DNAJC18: variants seen among roughly 807,000 people sequenced by gnomAD.
DNAJC18 encodes the protein dnaJ homolog subfamily C member 18.
DNAJC18 carries 40 observed loss-of-function variants against 48.6 expected under a neutral mutation model. The observed-to-expected ratio is 0.82, with a 90% CI of 0.64 to 1.07. The LOEUF (loss-of-function observed/expected upper bound fraction) is 1.07, where lower values mean the gene tolerates loss of function less well. Ranked by LOEUF, DNAJC18 falls within the 50% of genes least tolerant of loss-of-function variation. The pLI is 0.00. For synonymous variants in DNAJC18, 135 were observed against 152.2 expected (o/e 0.89, Z 0.83); for missense variants, 340 against 427.7 (o/e 0.79, Z 1.81).
Position 139,425,205 on chromosome 5 carries a change from C to G in DNAJC18, c.560-91G>C, listed in dbSNP as rs565945596. 138 of 1,108,928 alleles carry G rather than the reference C, an allele frequency of 1.2e-4. No individual in the cohort carries two copies. The African/African-American group carries it at 1.9e-3, about 15-fold the overall frequency. The allele number at this position is 1,108,928 out of a possible 1,614,324, so 68.7% of individuals were successfully genotyped here. The stretch of plus-strand genomic sequence containing the variant: ...TGGAGATGGAGTTTTGCTCTGTTAC[C>G]CAGACTGGAGTGCAATGGGGTGATC... On this transcript the variant is annotated intron_variant, in intron 4 of 7. Coordinates refer to ENST00000302060, the MANE Select transcript of DNAJC18 (RefSeq NM_152686.4).
intron 7 of DNAJC18, among the ~76,000 whole-genome samples, chr5:139,419,534 GC>G (rs760208915): frequency 1.3e-5 from 2 of 152,246 alleles, no homozygotes; most frequent in Non-Finnish European, 2.9e-5. Context: ...AAAAAGTTAG[GC>G]TGGCTCGATC....
chr5:139,438,114 A>G (rs929188063), intron 1 of DNAJC18, among the ~76,000 whole-genome samples: 1 of 152,094 alleles, frequency 6.6e-6, no homozygotes, highest in Non-Finnish European at 1.5e-5. Flanking sequence ...CAGGAGATCG[A>G]GACCATCCTG....
chr5:139,423,412 C>T (rs1168443498), intron 5 of DNAJC18, among the ~76,000 whole-genome samples: 1 of 144,464 alleles, frequency 6.9e-6, no homozygotes, highest in East Asian at 2.0e-4. Flanking sequence ...TTTTCTGAGA[C>T]ATGGTCTTGC....
In DNAJC18 at chr5:139,428,592, G is replaced by A. The variant is rs772442615; in HGVS notation, c.319C>T (p.Leu107=). The change falls in exon 3 of 8, where the codon CTG becomes TTG. Residue 107 remains leucine (L), a synonymous_variant. Transcript: ENST00000302060. ...ELKKAYRKLA[L]KFHPDKNCAP... ...CAGTTCTTGTCAGGGTGAAATTTCA[G>A]GGCGAGTTTTCTGTAAGCTTTCTTA... is the stretch of plus-strand genomic sequence containing the variant. 1.2e-6 allele frequency: 2 copies of A among 1,613,944 alleles called. No individual in the cohort carries two copies. Among genetic ancestry groups the A allele is most frequent in the Non-Finnish European group, 8.5e-7 (1 of 1,179,986 alleles).
Position 139,422,780 on chromosome 5 carries a change from A to G in DNAJC18, c.707T>C (p.Leu236Pro). 1 of 1,611,046 alleles carries G rather than the reference A, an allele frequency of 6.2e-7. No homozygotes were observed. The highest frequency in any genetic ancestry group is 8.5e-7 in the Non-Finnish European group (1 of 1,179,168). Residue 236 changes from leucine to proline, a missense_variant, in exon 6 of 8, where the codon CTT (leucine) becomes CCT (proline). Leu to Pro is a moderately conservative substitution (Grantham distance 98). Coordinates refer to ENST00000302060, the MANE Select transcript of DNAJC18 (RefSeq NM_152686.4). ...AATGACAGATATAATCACAATCACAAGAACTGGAAGTAGCTGAATAAATGC... is the reference window on the plus strand; with the variant it reads ...AATGACAGATATAATCACAATCACAGGAACTGGAAGTAGCTGAATAAATGC... ...YSAFIQLLPV[L>P]VIVIISVITQ...
In DNAJC18 at chr5:139,415,593, C is replaced by T. The variant is rs1045966023; in HGVS notation, c.953-1321G>A. Among the ~76,000 whole-genome samples the T allele has an allele frequency of 2.6e-5, 4 of 152,208 alleles. 1 individual carries two copies. Among genetic ancestry groups the T allele is most frequent in the Admixed American group, 2.6e-4 (4 of 15,288 alleles). On this transcript the variant is annotated intron_variant, in intron 7 of 7. Transcript: ENST00000302060. ...TGCAGCGCCTGCTAGCCAGGGCTTG[C>T]CTTGGCACAGTCACCCTTGCAGGTG... is the stretch of plus-strand genomic sequence containing the variant.
In DNAJC18 at chr5:139,413,094, AAT is replaced by A; in HGVS notation, c.*1052_*1053del. 1 of 395,514 alleles carries A rather than the reference AAT, an allele frequency of 2.5e-6. No individual in the cohort carries two copies. The highest frequency in any genetic ancestry group is 1.4e-4 in the South Asian group (1 of 6,998). The allele number at this position is 395,514 out of a possible 1,614,324, so 24.5% of individuals were successfully genotyped here. ...AGTTGTGAGGAGGTTTAAGTAAGAA[AAT>A]ATGTGTGAGAGCCCCTGCTTTTATA... is the stretch of plus-strand genomic sequence containing the variant. On this transcript the variant is annotated 3_prime_UTR_variant, in exon 8 of 8. Coordinates refer to ENST00000302060, the MANE Select transcript of DNAJC18 (RefSeq NM_152686.4).
rs1581418400 is a variant in DNAJC18 at position 139,426,352 on chromosome 5, C to T, written c.379G>A (p.Gly127Arg). Reference sequence around the variant, plus strand: ...TTGCTCAGGACTGCAAATGCATTTCCTATTGCTGCAACCAACAAGAACCAG... The same window carrying T: ...TTGCTCAGGACTGCAAATGCATTTCTTATTGCTGCAACCAACAAGAACCAG... ...PGATDAFKAI[G>R]NAFAVLSNPD... The change falls in exon 4 of 8, where the codon GGA becomes AGA. Residue 127 changes from glycine (G) to arginine (R), a missense_variant. By Grantham distance (125) the Gly-to-Arg change is moderately radical. Coordinates refer to ENST00000302060, the MANE Select transcript of DNAJC18 (RefSeq NM_152686.4). 1.9e-6 allele frequency: 3 copies of T among 1,613,924 alleles called. No homozygotes were observed. The highest frequency in any genetic ancestry group is 2.5e-6 in the Non-Finnish European group (3 of 1,179,866).
intron 2 of DNAJC18, 89 bp from the exon 3 acceptor site, chr5:139,428,772 T>A: frequency 1.4e-6 from 2 of 1,475,380 alleles, no homozygotes; most frequent in South Asian, 2.7e-5. Flanking sequence ...CTCCAATCTG[T>A]GGGACCCAAA....
At chr5:139,418,740 C>T (rs1362772315) in intron 7 of DNAJC18, 1 of 456,166 alleles carries the variant, frequency 2.2e-6, no homozygotes, top group African/African-American at 2.0e-5. Flanking sequence ...TATTCACAAT[C>T]CTCAGCATTT....
At chr5:139,416,400 G>T (rs186342587) in intron 7 of DNAJC18, among the ~76,000 whole-genome samples, 2 of 152,124 alleles carry the variant, frequency 1.3e-5, no homozygotes, top group South Asian at 4.1e-4. Flanking sequence ...CTCTCCTAAG[G>T]TTCTCTGCAA....
intron 2 of DNAJC18, among the ~76,000 whole-genome samples, chr5:139,429,080 C>CTTTTTTTTTT (rs559935676): frequency 4.4e-5 from 5 of 114,582 alleles, no homozygotes; most frequent in African/African-American, 6.5e-5. Context: ...GTATTTTTTG[C>CTTTTTTTTTT]TTTTTTTTTT....
intron 2 of DNAJC18, among the ~76,000 whole-genome samples, chr5:139,436,183 T>G (rs1006659839): frequency 6.6e-6 from 1 of 152,112 alleles, no homozygotes; most frequent in Admixed American, 6.6e-5. Context: ...ATTCCTAGGC[T>G]CAAGTGATTC....
intron 7 of DNAJC18, chr5:139,418,595 T>A: frequency 3.0e-6 from 1 of 333,348 alleles, no homozygotes; most frequent in Admixed American, 3.7e-5. Flanking sequence ...CTGTTTAATT[T>A]CCTCTTATAT....
intron 2 of DNAJC18, among the ~76,000 whole-genome samples, chr5:139,429,756 C>T (rs1409639394): frequency 6.6e-6 from 1 of 152,006 alleles, no homozygotes; most frequent in Non-Finnish European, 1.5e-5. Flanking sequence ...AAGACCCTAT[C>T]TCTATGAAAA....
rs1352558315 is a variant in DNAJC18 at position 139,411,318 on chromosome 5, T to C, written c.*2830A>G. The C allele has an allele frequency of 6.6e-6, 1 of 152,238 alleles. No homozygotes were observed. Among genetic ancestry groups the C allele is most frequent in the African/African-American group, 2.4e-5 (1 of 41,450 alleles). 9.4% of individuals were successfully genotyped at this position (152,238 alleles called of 1,614,324 possible). On this transcript the variant is annotated 3_prime_UTR_variant, in exon 8 of 8. Transcript: ENST00000302060. ...GGTAGAGAGAGCATCTTCATTTGAA[T>C]GAGAGCTTCAGTTTCTGCTTGAGCC...
chr5:139,437,265 T>TATC (rs1171225667), intron 2 of DNAJC18, 107 bp downstream of exon 2: 153 of 1,360,508 alleles, frequency 1.1e-4, no homozygotes, highest in Non-Finnish European at 1.4e-4. Context: ...ATGCCTCAAT[T>TATC]ATCATCATCA....
intron 6 of DNAJC18, among the ~76,000 whole-genome samples, chr5:139,421,707 C>T (rs769013338): frequency 6.6e-6 from 1 of 152,058 alleles, no homozygotes; most frequent in African/African-American, 2.4e-5. Context: ...ACTCAGGAGG[C>T]TGAGGCACAT....
chr5:139,415,374 A>G (rs1414417003), intron 7 of DNAJC18, among the ~76,000 whole-genome samples: 2 of 152,222 alleles, frequency 1.3e-5, no homozygotes, highest in African/African-American at 2.4e-5. Flanking sequence ...GTGCACAATG[A>G]TGCTATTTAC....
Sources: allele counts gnomAD v4.1 joint callset (sites outside exome capture counted in the v4.1 genomes callset), GRCh38; gene constraint gnomAD v4.1.1; transcripts MANE v1.5; gene names NCBI Gene and HGNC (gene_info 2026-07-23, HGNC 2026-07-21).